LRRC9: variants seen among roughly 807,000 people sequenced by gnomAD.
LRRC9 encodes the protein leucine-rich repeat-containing protein 9.
A neutral mutation model predicts 63.2 loss-of-function variants in LRRC9; 122 were observed. The observed-to-expected ratio is 1.93, with a 90% confidence interval of 1.67 to 2.24. The LOEUF is 2.24. Among genes scored for constraint, LRRC9 ranks in the 30% most tolerant of loss-of-function variants. The pLI is 0.00. For missense variants in LRRC9, 1,071 were observed against 627.7 expected, an observed-to-expected ratio of 1.71 and a Z score of -7.55; for synonymous variants, 366 against 213.1, an observed-to-expected ratio of 1.72 and a Z score of -6.25.
intron 29 of LRRC9, among the ~76,000 whole-genome samples, chr14:60,049,070 A>T (rs1893680223): frequency 6.6e-6 from 1 of 152,218 alleles, no homozygotes; most frequent in South Asian, 2.1e-4. Flanking sequence ...CAGGCCTTTG[A>T]TAAAGTTCAA....
chr14:60,014,414 T>C (rs916418279), intron 23 of LRRC9, among the ~76,000 whole-genome samples: 2 of 152,048 alleles, frequency 1.3e-5, no homozygotes, highest in East Asian at 3.9e-4. Context: ...TCAAAAACTT[T>C]CTTTAGTCAT....
Position 59,975,063 on chromosome 14 carries a change from ACTATG to A in LRRC9, c.1639+356_1639+360del, listed in dbSNP as rs1312573687. On this transcript the variant is annotated intron_variant, in intron 13 of 31. Coordinates refer to ENST00000445360, the Ensembl canonical transcript of LRRC9. ...TATATATATATATATGCTGAACTAA[ACTATG>A]TGTGTGTGTGTGTGTGTAGTGTATA... 1.5e-4 allele frequency among the ~76,000 whole-genome samples: 13 copies of A among 83,978 alleles called. 2 individuals carry two copies. Among genetic ancestry groups the A allele is most frequent in the Admixed American group, 2.6e-4 (2 of 7,626 alleles). 55.1% of individuals were successfully genotyped at this position (83,978 alleles called of 152,430 possible).
chr14:60,027,814 A>G lies in LRRC9; in HGVS notation c.3704-70A>G. 1 of 511,642 alleles carries G rather than the reference A, an allele frequency of 2.0e-6. No individual in the cohort carries two copies. The highest frequency in any genetic ancestry group is 3.5e-6 in the Non-Finnish European group (1 of 288,862). 31.7% of individuals were successfully genotyped at this position (511,642 alleles called of 1,614,324 possible). A position where few individuals can be genotyped will look rare whatever the true frequency, so the allele number is the denominator to read the frequency against. On this transcript the variant is annotated intron_variant, in intron 27 of 31. Coordinates refer to ENST00000445360, the Ensembl canonical transcript of LRRC9. This position sits in a 1 kb window ranked among gnomAD's most constrained non-coding sequence, Gnocchi z 4.0. ...AATCATCTGATTAAAAAATATTTAA[A>G]TGTAAGTAGATATCCTTTACTTCAG...
At chr14:59,948,337 G>C (rs1382819399) in intron 8 of LRRC9, among the ~76,000 whole-genome samples, 87 of 144,568 alleles carry the variant, frequency 6.0e-4, no homozygotes, top group Non-Finnish European at 1.0e-3. Context: ...AGGAATGCTT[G>C]TGATTTTTGT....
At position 59,936,378 on chromosome 14, in the gene LRRC9, A is replaced by C. The variant is rs1267828986; in HGVS notation, c.544-2012A>C. On this transcript the variant is annotated intron_variant, in intron 6 of 31. Coordinates refer to ENST00000445360, the Ensembl canonical transcript of LRRC9. The surrounding 1 kb of genome is among the most constrained non-coding windows in gnomAD (Gnocchi z 4.2). ...ACTATTATCTTAGATTTTTATCTCT[A>C]ACCTTTCCTCCTACCCTAAGAAGAT... Among the ~76,000 whole-genome samples the C allele has an allele frequency of 6.6e-6, 1 of 152,104 alleles. No homozygotes were observed.
chr14:60,063,441 TTA>T, exon 32 of LRRC9: 1 of 641,416 alleles, frequency 1.6e-6, no homozygotes, highest in South Asian at 1.7e-5. Context: ...CAGTGGTCAG[TTA>T]AAAAAAAAAA....
intron 8 of LRRC9, among the ~76,000 whole-genome samples, chr14:59,949,312 T>A (rs1341860127): frequency 6.6e-6 from 1 of 152,194 alleles, no homozygotes; most frequent in Non-Finnish European, 1.5e-5. Flanking sequence ...GTTTGTAGTA[T>A]TCTCTGATGG....
chr14:60,039,548 C>T (rs569604666), intron 29 of LRRC9, among the ~76,000 whole-genome samples: 3 of 152,212 alleles, frequency 2.0e-5, no homozygotes, highest in African/African-American at 2.4e-5. Context: ...AGTTTATTTG[C>T]ATAGAGGTGT....
At chr14:60,015,807 TCC>T (rs2140267060) in intron 23 of LRRC9, among the ~76,000 whole-genome samples, 1 of 152,216 alleles carries the variant, frequency 6.6e-6, no homozygotes, top group Non-Finnish European at 1.5e-5. Flanking sequence ...AAATACAGGT[TCC>T]CACTCAGCAG....
intron 2 of LRRC9, 33 bp downstream of exon 2, chr14:59,928,024 T>C (rs953773990): frequency 8.9e-6 from 6 of 671,078 alleles, no homozygotes; most frequent in Non-Finnish European, 1.3e-5. Context: ...TTAAATAACA[T>C]TTGCAGTAAT....
chr14:60,001,792 A>T (rs1889386568), intron 19 of LRRC9, among the ~76,000 whole-genome samples, 174 bp from the exon 20 acceptor site: 1 of 152,176 alleles, frequency 6.6e-6, no homozygotes, highest in Non-Finnish European at 1.5e-5. Context: ...AACAAGAAAC[A>T]ATGTAATTAA....
Position 59,990,842 on chromosome 14 carries a change from C to T in LRRC9, c.2211+5618C>T, listed in dbSNP as rs144349777. Among the ~76,000 whole-genome samples, 1 of 152,366 alleles carries T rather than the reference C, an allele frequency of 6.6e-6. No individual in the cohort carries two copies. Among genetic ancestry groups the T allele is most frequent in the African/African-American group, 2.4e-5 (1 of 41,590 alleles). On this transcript the variant is annotated intron_variant, in intron 17 of 31. Coordinates refer to ENST00000445360, the Ensembl canonical transcript of LRRC9. This position sits in a 1 kb window ranked among gnomAD's most constrained non-coding sequence, Gnocchi z 4.2. ...ATTTGTTGACTGTTCTGGGGCTCTC[C>T]TGTTTTCAGGTCCATCAGATGCTGC...
rs1248849976 is a variant in LRRC9, at chr14:59,964,941, T to C, written c.1212-1648T>C. ...TGATTAAGTATTTGCTTGTGAGAAA[T>C]ATAGATGCCCTAAGTTAGGAGCTCA... On this transcript the variant is annotated intron_variant, in intron 10 of 31. Coordinates refer to ENST00000445360, the Ensembl canonical transcript of LRRC9. The surrounding 1 kb of genome is among the most constrained non-coding windows in gnomAD (Gnocchi z 4.4). Among the ~76,000 whole-genome samples, 2 of 152,142 alleles carry C rather than the reference T, an allele frequency of 1.3e-5. No individual in the cohort carries two copies. Among genetic ancestry groups the C allele is most frequent in the Admixed American group, 1.3e-4 (2 of 15,266 alleles).
In LRRC9 at chr14:60,003,797, AG is replaced by A. The variant is rs763059582; in HGVS notation, c.2842+1del. The A allele has an allele frequency of 5.0e-6, 3 of 603,082 alleles. No homozygotes were observed. In the Admixed American group the frequency reaches 9.4e-5, roughly 19 times the overall value. The allele number at this position is 603,082 out of a possible 1,614,324, so 37.4% of individuals were successfully genotyped here. On this transcript the variant is annotated frameshift_variant and splice_region_variant, in exon 21 of 32. Transcript: ENST00000445360. LOFTEE classifies it high-confidence loss of function. The surrounding 1 kb of genome is among the most constrained non-coding windows in gnomAD (Gnocchi z 4.2). ...ATGGAAACTGCATCTCAAAGATAGA[AG>A]GTAAGGTACTTAAGAACTTTGAAGT...
chr14:60,054,454 C>T (rs1894126249), intron 30 of LRRC9, among the ~76,000 whole-genome samples: 1 of 151,890 alleles, frequency 6.6e-6, no homozygotes, highest in Admixed American at 6.6e-5. Context: ...GGAGAAAAAA[C>T]TAAAATATGA....
intron 8 of LRRC9, 82 bp downstream of exon 8, chr14:59,944,826 T>A: frequency 1.8e-6 from 1 of 562,036 alleles, no homozygotes. Context: ...TCTTTTAAAT[T>A]ATGTATATAC....
rs201823237 is a variant in LRRC9 at position 60,053,414 on chromosome 14, CACACACAT to C, written c.4131+211_4131+218del. Among the ~76,000 whole-genome samples, 7,446 of 84,478 alleles carry C rather than the reference CACACACAT, an allele frequency of 0.088. 255 individuals are homozygous for C. Among genetic ancestry groups the C allele is most frequent in the Non-Finnish European group, 0.11 (3,410 of 32,106 alleles). The allele number at this position is 84,478 out of a possible 152,430, so 55.4% of individuals were successfully genotyped here. Reference sequence around the variant, plus strand: ...ACACACACACACACACACACACACACACACACATATATATGTAAGTCAGGGAACATCCT... The same window carrying C: ...ACACACACACACACACACACACACACATATATGTAAGTCAGGGAACATCCT... On this transcript the variant is annotated intron_variant, in intron 30 of 31. Transcript: ENST00000445360. The surrounding 1 kb of genome is among the most constrained non-coding windows in gnomAD (Gnocchi z 4.8).
intron 29 of LRRC9, among the ~76,000 whole-genome samples, chr14:60,044,420 A>T (rs115802963): frequency 8.1e-4 from 123 of 152,266 alleles, no homozygotes; most frequent in Middle Eastern, 3.4e-3. Context: ...CTTTTTTGAC[A>T]TAGGCATTTA....
chr14:59,940,738 A>T (rs1273584788), intron 7 of LRRC9, among the ~76,000 whole-genome samples: 1 of 152,176 alleles, frequency 6.6e-6, no homozygotes. Context: ...AGTGCTATGA[A>T]ACTATAGTTG....
Sources: gnomAD v4.1 joint callset for allele counts (sites outside exome capture counted in the v4.1 genomes callset) on GRCh38, gnomAD v4.1.1 for gene constraint, Gnocchi (gnomAD v3.1) non-coding constraint, MANE v1.5 for transcripts, NCBI Gene and HGNC (gene_info 2026-07-23, HGNC 2026-07-21) for gene names.